The following DYSF variants were observed in gnomAD, a reference collection of about 807,000 sequenced individuals.
DYSF encodes dysferlin.
In DYSF, 212 loss-of-function variants were observed where a neutral mutation model predicts 274.9. The ratio of observed to expected loss-of-function variants is 0.77; its 90% CI spans 0.69 to 0.86. The LOEUF (loss-of-function observed/expected upper bound fraction) is 0.86. Ranked by LOEUF, DYSF falls within the 40% of genes least tolerant of loss-of-function variation. The probability of loss-of-function intolerance (pLI) is 0.00; values close to 1 mark genes in which losing one functional copy is unlikely to be tolerated. For synonymous variants in DYSF, 1,091 were observed against 1,078.7 expected, an observed-to-expected ratio of 1.01 and a Z score of -0.22; for missense variants, 2,666 against 2,783.2, an observed-to-expected ratio of 0.96 and a Z score of 0.95.
At chr2:71,553,692 T>G in intron 20 of DYSF, 115 bp from the exon 21 acceptor site, 1 of 1,224,734 alleles carries the variant, frequency 8.2e-7, no homozygotes, top group Non-Finnish European at 1.2e-6. Flanking sequence ...TGTGGTCCCT[T>G]TCCCAGCTCT....
At chr2:71,555,693 T>C (rs943015104) in intron 21 of DYSF, among the ~76,000 whole-genome samples, 10 of 152,160 alleles carry the variant, frequency 6.6e-5, no homozygotes, top group Non-Finnish European at 1.0e-4. Context: ...CATCAAGTTC[T>C]GCCCAAGTCT....
At chr2:71,669,897 C>A (rs924413834) in intron 51 of DYSF, 151 bp downstream of exon 51, 1 of 983,446 alleles carries the variant, frequency 1.0e-6, no homozygotes, top group Non-Finnish European at 1.6e-6. Context: ...ATGGCCACCA[C>A]CTCCACTGTC....
rs548986651 is a variant in DYSF at position 71,584,075 on chromosome 2, C to T, written c.3403-5518C>T. Among the ~76,000 whole-genome samples the T allele has an allele frequency of 3.5e-3, 535 of 152,292 alleles. 2 individuals carry two copies. Among genetic ancestry groups the T allele is most frequent in the African/African-American group, 0.013 (525 of 41,560 alleles). On this transcript the variant is annotated intron_variant, in intron 30 of 55. Coordinates refer to ENST00000410020, the MANE Select transcript of DYSF (RefSeq NM_001130987.2). ...GGCCACAGACCGTGTGGCTGCCAGC[C>T]CCAGCCTGGGAGTTGCGGTGGCATG...
intron 42 of DYSF, among the ~76,000 whole-genome samples, chr2:71,653,919 C>T (rs1328205770): frequency 2.7e-5 from 4 of 150,910 alleles, no homozygotes; most frequent in African/African-American, 9.7e-5. Flanking sequence ...ATAACATAAA[C>T]ACAAACATAA....
At chr2:71,486,444 C>A (rs918483394) in intron 3 of DYSF, among the ~76,000 whole-genome samples, 1 of 152,082 alleles carries the variant, frequency 6.6e-6, no homozygotes, top group African/African-American at 2.4e-5. Context: ...CCTTCTCTTG[C>A]CCCTCCTCGA....
At chr2:71,551,181 G>A (rs1314928314) in intron 18 of DYSF, 25 bp downstream of exon 18, 1 of 1,611,246 alleles carries the variant, frequency 6.2e-7, no homozygotes, top group Non-Finnish European at 8.5e-7. Flanking sequence ...GCCCTGGCAA[G>A]GGCAGGATGC....
intron 17 of DYSF, among the ~76,000 whole-genome samples, chr2:71,547,639 CAATA>C (rs56872132): frequency 4.0e-5 from 6 of 151,834 alleles, no homozygotes; most frequent in African/African-American, 9.7e-5. Context: ...GACACTGTCT[CAATA>C]AATAAATAAA....
Position 71,682,630 on chromosome 2 carries a change from C to G in DYSF, c.6274C>G (p.Leu2092Val), listed in dbSNP as rs1177991658. The change falls in exon 55 of 56, where the codon CTC (leucine) becomes GTC (valine). Residue 2092 changes from leucine to valine, a missense_variant. This residue lies in a region of DYSF where 1,460 missense variants were observed against 1,502.1 expected (regional missense o/e 0.97). Transcript: ENST00000410020. ...FRWAIILFII[L>V]FILLLFLAIF... The stretch of plus-strand genomic sequence containing the variant: ...GTGGGCCATCATCCTCTTCATCATC[C>G]TCTTCATCCTGCTGCTGTTCCTGGC... 1 of 1,614,196 alleles carries G rather than the reference C, an allele frequency of 6.2e-7. No individual in the cohort carries two copies. The highest frequency in any genetic ancestry group is 8.5e-7 in the Non-Finnish European group (1 of 1,180,040).
At chr2:71,567,725 C>CTTTGAT (rs1472085239) in intron 24 of DYSF, among the ~76,000 whole-genome samples, 1 of 151,560 alleles carries the variant, frequency 6.6e-6, no homozygotes, top group Admixed American at 6.6e-5. Context: ...TAGCCTTTGC[C>CTTTGAT]TTTGATGGGG....
chr2:71,563,236 G>T (rs1487674809), intron 23 of DYSF, among the ~76,000 whole-genome samples: 1 of 152,230 alleles, frequency 6.6e-6, no homozygotes, highest in African/African-American at 2.4e-5. Context: ...AGCTCTCAAA[G>T]CCTGAATTTC....
At chr2:71,483,754 A>G (rs999741817) in intron 3 of DYSF, among the ~76,000 whole-genome samples, 2 of 152,084 alleles carry the variant, frequency 1.3e-5, no homozygotes, top group Non-Finnish European at 2.9e-5. Context: ...GCTCTGAGAG[A>G]TTGGGCAACT....
intron 1 of DYSF, among the ~76,000 whole-genome samples, chr2:71,474,422 C>T (rs1233792658): frequency 6.6e-6 from 1 of 152,222 alleles, no homozygotes; most frequent in Non-Finnish European, 1.5e-5. Context: ...AAGCTGTGAG[C>T]TCTCCTGTAT....
chr2:71,486,404 C>T (rs1273549563), intron 3 of DYSF, among the ~76,000 whole-genome samples: 4 of 152,096 alleles, frequency 2.6e-5, no homozygotes, highest in Non-Finnish European at 5.9e-5. Context: ...CTTTTCCTTC[C>T]TGTGCCCCTC....
chr2:71,622,130 G>GTTTTTTTTTTTGTTTTTTTTTTT (rs2094119025), intron 41 of DYSF, among the ~76,000 whole-genome samples: 1 of 97,004 alleles, frequency 1.0e-5, no homozygotes, highest in African/African-American at 3.9e-5. Context: ...TGATTTCTTT[G>GTTTTTTTTTTTGTTTTTTTTTTT]TTTTTTTTTT....
chr2:71,510,417 C>T (rs2085971828), intron 4 of DYSF, among the ~76,000 whole-genome samples: 1 of 152,166 alleles, frequency 6.6e-6, no homozygotes, highest in African/African-American at 2.4e-5. Flanking sequence ...GATTCAGGAA[C>T]CCACAGGGCA....
intron 4 of DYSF, among the ~76,000 whole-genome samples, chr2:71,505,571 C>T (rs112300528): frequency 7.9e-5 from 12 of 152,320 alleles, no homozygotes; most frequent in African/African-American, 2.9e-4. Context: ...AGTGTTCTCA[C>T]CCAAGTCCCT....
chr2:71,540,114 CTTT>C (rs565221959), intron 17 of DYSF, among the ~76,000 whole-genome samples: 3 of 133,754 alleles, frequency 2.2e-5, no homozygotes, highest in African/African-American at 2.9e-5. Flanking sequence ...CTTTTTTTTT[CTTT>C]TTTTTTTTTT....
chr2:71,480,974 T>C, intron 2 of DYSF, 36 bp downstream of exon 2: 2 of 1,600,750 alleles, frequency 1.2e-6, no homozygotes, highest in South Asian at 2.2e-5. Context: ...TCTCTCTGTC[T>C]GCTGCAGTTG....
intron 12 of DYSF, 35 bp downstream of exon 12, chr2:71,520,939 C>T: frequency 6.3e-7 from 1 of 1,597,916 alleles, no homozygotes; most frequent in Non-Finnish European, 8.6e-7. Flanking sequence ...CTTACGGTCC[C>T]CCACGCGGCA....
Sources: gnomAD v4.1 joint callset for allele counts (sites outside exome capture counted in the v4.1 genomes callset) on GRCh38, gnomAD v4.1.1 for gene constraint, gnomAD v4.1.1 regional missense constraint, MANE v1.5 for transcripts, NCBI Gene and HGNC (gene_info 2026-07-23, HGNC 2026-07-21) for gene names.